The following CCDC178 variants were observed in gnomAD, a reference collection of about 807,000 sequenced individuals.
The protein encoded by CCDC178 is coiled-coil domain-containing protein 178.
CCDC178 carries 126 observed loss-of-function variants against 117.4 expected under a neutral mutation model. That is an observed-to-expected ratio of 1.07 (90% confidence interval 0.93 to 1.24). The LOEUF (loss-of-function observed/expected upper bound fraction) is 1.24, where lower values mean the gene tolerates loss of function less well. Ranked by LOEUF, CCDC178 falls within the 50% of genes most tolerant of loss-of-function variation. The pLI, the probability that CCDC178 is intolerant of heterozygous loss-of-function variation, is 0.00. For synonymous variants in CCDC178, 283 were observed against 313.4 expected, an observed-to-expected ratio of 0.90 and a Z score of 1.02; for missense variants, 1,030 against 986.9, an observed-to-expected ratio of 1.04 and a Z score of -0.59.
chr18:33,060,624 C>T (rs1340446038), intron 21 of CCDC178, among the ~76,000 whole-genome samples: 4 of 151,786 alleles, frequency 2.6e-5, no homozygotes, highest in Non-Finnish European at 2.9e-5. Flanking sequence ...GTAACTTTCC[C>T]GCTATTGGTG....
intron 20 of CCDC178, among the ~76,000 whole-genome samples, chr18:33,108,772 C>T (rs1056621689): frequency 6.6e-6 from 1 of 151,522 alleles, no homozygotes; most frequent in African/African-American, 2.4e-5. Flanking sequence ...AACTAATTAG[C>T]AAACTATATA....
At chr18:33,103,296 G>A (rs1024902806) in intron 20 of CCDC178, among the ~76,000 whole-genome samples, 2 of 151,566 alleles carry the variant, frequency 1.3e-5, no homozygotes, top group African/African-American at 2.4e-5. Flanking sequence ...ACAGTATGGG[G>A]GAAACTGCCC....
At chr18:33,309,038 A>T (rs7506790) in intron 11 of CCDC178, among the ~76,000 whole-genome samples, 131,548 of 152,162 alleles carry the variant, frequency 0.86, 57,035 homozygotes, top group South Asian at 0.93. Flanking sequence ...CAAAAATTTT[A>T]AAAAGCCTTC....
At chr18:33,328,206 G>A (rs2062614425) in intron 10 of CCDC178, 4 of 250,698 alleles carry the variant, frequency 1.6e-5, no homozygotes, top group South Asian at 3.7e-5. Flanking sequence ...GGGCTCAAGC[G>A]ATTCTTCTGC....
chr18:32,952,511 GTTCT>G (rs1297030143), intron 22 of CCDC178, among the ~76,000 whole-genome samples: 1 of 152,108 alleles, frequency 6.6e-6, no homozygotes, highest in African/African-American at 2.4e-5. Flanking sequence ...AGGACACCAT[GTTCT>G]TTCTATGTGG....
chr18:33,311,547 G>A (rs760166379), intron 11 of CCDC178, among the ~76,000 whole-genome samples: 139 of 152,318 alleles, frequency 9.1e-4, no homozygotes, highest in Admixed American at 5.2e-4. Context: ...GGATCCTGAA[G>A]ACCTAGGAGA....
chr18:33,167,063 G>T (rs1044496445), intron 20 of CCDC178, among the ~76,000 whole-genome samples: 1 of 152,110 alleles, frequency 6.6e-6, no homozygotes, highest in Admixed American at 6.6e-5. Flanking sequence ...GTTTGCTTAG[G>T]ATAATGGCCT....
In CCDC178 at chr18:32,966,625, G is replaced by C. The variant is rs544883614; in HGVS notation, c.2523+7922C>G. On this transcript the variant is annotated intron_variant, in intron 22 of 22. Coordinates refer to ENST00000383096, the MANE Select transcript of CCDC178 (RefSeq NM_001105528.4). ...CAATTTTTCCTTTTAAAAAGTGTTAGAGCTATCCTTGTGGATTTTAATCTT... is the reference window on the plus strand; with the variant it reads ...CAATTTTTCCTTTTAAAAAGTGTTACAGCTATCCTTGTGGATTTTAATCTT... Among the ~76,000 whole-genome samples, 21 of 151,984 alleles carry C rather than the reference G, an allele frequency of 1.4e-4. No individual in the cohort carries two copies. The South Asian group carries it at 4.1e-3, about 30-fold the overall frequency.
intron 20 of CCDC178, among the ~76,000 whole-genome samples, chr18:33,198,125 A>AAT (rs1176818089): frequency 3.3e-5 from 5 of 152,156 alleles, no homozygotes; most frequent in Non-Finnish European, 7.3e-5. Flanking sequence ...GGACACTGCA[A>AAT]GTCATATTTG....
At chr18:33,415,750 C>T (rs151080269) in intron 2 of CCDC178, among the ~76,000 whole-genome samples, 2 of 152,072 alleles carry the variant, frequency 1.3e-5, no homozygotes, top group African/African-American at 4.8e-5. Flanking sequence ...ATTCAACACT[C>T]CTGACCTCTA....
intron 12 of CCDC178, among the ~76,000 whole-genome samples, chr18:33,273,203 A>AT (rs1470086388): frequency 5.9e-5 from 9 of 151,770 alleles, no homozygotes; most frequent in African/African-American, 1.9e-4. Context: ...AACTTGCAGG[A>AT]TACAAAGACA....
chr18:33,096,345 ATTTTATATAAAAATATAAAAT>A (rs2057543873), intron 20 of CCDC178, among the ~76,000 whole-genome samples: 1 of 113,762 alleles, frequency 8.8e-6, no homozygotes, highest in Non-Finnish European at 1.7e-5. Flanking sequence ...AAATTTTTAT[ATTTTATATAAAAATATAAAAT>A]TTTTATATTT....
chr18:33,154,538 A>G (rs2144354441), intron 20 of CCDC178, among the ~76,000 whole-genome samples: 1 of 152,320 alleles, frequency 6.6e-6, no homozygotes, highest in South Asian at 2.1e-4. Flanking sequence ...TAAATATGGA[A>G]TTAAAGACAT....
intron 21 of CCDC178, among the ~76,000 whole-genome samples, chr18:33,078,421 G>T (rs1240768906): frequency 6.6e-6 from 1 of 152,162 alleles, no homozygotes; most frequent in East Asian, 1.9e-4. Flanking sequence ...AGAATTGGAA[G>T]TCCTGGCCAG....
chr18:33,293,426 C>A, intron 11 of CCDC178, 114 bp from the exon 12 acceptor site: 2 of 535,090 alleles, frequency 3.7e-6, no homozygotes, highest in Non-Finnish European at 6.1e-6. Context: ...TTTGGGAGGC[C>A]AAGGTAGCAG....
rs140418693 is a variant in CCDC178, at chr18:32,942,221, G to A, written c.2524-4130C>T. ...TCAGTGAGAACACAGAGAACAGAGT[G>A]ACCCACCAGAACTTTCTCCTCTCAC... On this transcript the variant is annotated intron_variant, in intron 22 of 22. Coordinates refer to ENST00000383096, the MANE Select transcript of CCDC178 (RefSeq NM_001105528.4). 1.8e-4 allele frequency among the ~76,000 whole-genome samples: 28 copies of A among 152,210 alleles called. No individual in the cohort carries two copies. In the East Asian group the frequency reaches 5.4e-3, roughly 29 times the overall value.
chr18:33,432,515 ACACACT>A (rs754632264), intron 2 of CCDC178, among the ~76,000 whole-genome samples: 11 of 149,266 alleles, frequency 7.4e-5, no homozygotes, highest in Non-Finnish European at 1.6e-4. Flanking sequence ...ACACACACAC[ACACACT>A]AACTGAATAC....
intron 22 of CCDC178, among the ~76,000 whole-genome samples, chr18:32,967,449 A>G (rs1379491791): frequency 6.6e-6 from 1 of 150,636 alleles, no homozygotes; most frequent in African/African-American, 2.4e-5. Context: ...CTAATTCTTT[A>G]TTTCCTTGAA....
At chr18:33,212,099 T>A in intron 19 of CCDC178, 44 bp from the exon 20 acceptor site, 3 of 1,433,324 alleles carry the variant, frequency 2.1e-6, no homozygotes, top group East Asian at 5.0e-5. Context: ...ATTCACATTT[T>A]ATTTTTCAAA....
Sources: allele counts gnomAD v4.1 joint callset (sites outside exome capture counted in the v4.1 genomes callset), GRCh38; gene constraint gnomAD v4.1.1; transcripts MANE v1.5; gene names NCBI Gene and HGNC (gene_info 2026-07-23, HGNC 2026-07-21).